The following MYOM2 variants were observed in gnomAD, a reference collection of about 807,000 sequenced individuals.
MYOM2 encodes myomesin-2.
In MYOM2, 254 loss-of-function variants were observed where a neutral mutation model predicts 187.6. That is an observed-to-expected ratio of 1.35 (90% CI 1.22 to 1.50). The LOEUF is 1.50. Among genes scored for constraint, MYOM2 ranks in the 40% most tolerant of loss-of-function variants. The pLI, the probability that MYOM2 is intolerant of heterozygous loss-of-function variation, is 0.00. For synonymous variants in MYOM2, 981 were observed against 753.8 expected (o/e 1.30, Z -4.94); for missense variants, 2,796 against 1,924.0 (o/e 1.45, Z -8.48).
intron 21 of MYOM2, among the ~76,000 whole-genome samples, chr8:2,105,039 A>C (rs1330294255): frequency 6.6e-6 from 1 of 152,126 alleles, no homozygotes; most frequent in African/African-American, 2.4e-5. Flanking sequence ...CGGCCTCCCA[A>C]AGTGCTGGGA....
At chr8:2,085,118 G>A (rs568151977) in intron 13 of MYOM2, 145 bp from the exon 14 acceptor site, 4 of 901,472 alleles carry the variant, frequency 4.4e-6, no homozygotes, top group Non-Finnish European at 6.6e-6. Context: ...TTCCAAGGAA[G>A]CATCTTTGGG....
chr8:2,078,671 A>G lies in MYOM2; in HGVS notation c.1263-63A>G, dbSNP rs1049664454. On this transcript the variant is annotated intron_variant, in intron 11 of 36. Transcript: ENST00000262113. ...AGTGTGTGCATATATGCATATACCT[A>G]TGTATATTTAGTAGGTTGCCACATT... The G allele has an allele frequency of 6.9e-6, 10 of 1,450,830 alleles. No homozygotes were observed. In the Admixed American group the frequency reaches 1.0e-4, roughly 15 times the overall value. 89.9% of individuals were successfully genotyped at this position (1,450,830 alleles called of 1,614,324 possible).
intron 27 of MYOM2, 50 bp from the exon 28 acceptor site, chr8:2,117,835 T>G: frequency 7.6e-7 from 1 of 1,322,488 alleles, no homozygotes; most frequent in Non-Finnish European, 1.1e-6. Flanking sequence ...TATATTTATT[T>G]GTTTACTTTT....
At chr8:2,065,954 G>T (rs1819005559) in intron 6 of MYOM2, among the ~76,000 whole-genome samples, 1 of 152,196 alleles carries the variant, frequency 6.6e-6, no homozygotes, top group Non-Finnish European at 1.5e-5. Context: ...AGAGCCGTGG[G>T]GCGCAGTGTG....
chr8:2,129,216 G>C lies in MYOM2; in HGVS notation c.3784G>C (p.Val1262Leu). Residue 1262 changes from valine to leucine, a missense_variant, in exon 32 of 37, where the codon GTG becomes CTG. Coordinates refer to ENST00000262113, the MANE Select transcript of MYOM2 (RefSeq NM_003970.4). Reference protein sequence around the residue: ...FMKYFTDEMKVNWCHKDAKIS... With the variant: ...FMKYFTDEMKLNWCHKDAKIS... ...GAAGTATTTTACAGACGAAATGAAAGTGAACTGGTGTCACAAGTAAGTATG... is the reference window on the plus strand; with the variant it reads ...GAAGTATTTTACAGACGAAATGAAACTGAACTGGTGTCACAAGTAAGTATG... The C allele has an allele frequency of 6.2e-7, 1 of 1,609,586 alleles. No homozygotes were observed. The highest frequency in any genetic ancestry group is 8.5e-7 in the Non-Finnish European group (1 of 1,176,090).
chr8:2,143,079 A>T (rs1464587120), intron 35 of MYOM2, among the ~76,000 whole-genome samples: 2 of 151,708 alleles, frequency 1.3e-5, no homozygotes, highest in Non-Finnish European at 2.9e-5. Flanking sequence ...TTTCTGCCCA[A>T]CTCAGGGACA....
Position 2,126,131 on chromosome 8 carries a change from G to A in MYOM2, c.3694+1914G>A, listed in dbSNP as rs1365420586. On this transcript the variant is annotated intron_variant, in intron 31 of 36. Transcript: ENST00000262113. ...AAGAGTGAGTGTTTATAAGGAAAAT[G>A]CAAAAAGCAGAGTCCTCACTGTGTG... Among the ~76,000 whole-genome samples, 5 of 152,140 alleles carry A rather than the reference G, an allele frequency of 3.3e-5. No individual in the cohort carries two copies. The East Asian group carries it at 9.6e-4, about 29-fold the overall frequency.
rs180785786 is a variant in MYOM2 at position 2,115,346 on chromosome 8, C to T, written c.3181-614C>T. Among the ~76,000 whole-genome samples the T allele has an allele frequency of 5.9e-5, 9 of 152,322 alleles. No individual in the cohort carries two copies. In the East Asian group the frequency reaches 1.7e-3, roughly 29 times the overall value. ...TGTTAGAGAAACACTTGTTCTTTGA[C>T]TTGTAGGATTACCTAAATAGAACAC... On this transcript the variant is annotated intron_variant, in intron 25 of 36. Coordinates refer to ENST00000262113, the MANE Select transcript of MYOM2 (RefSeq NM_003970.4).
rs1408853064 is a variant in MYOM2, at chr8:2,101,054, G to A, written c.2619G>A (p.Lys873=). ...NQTTTASRYL[K]VSDLQQGKTY... ...CGACAACAGCCAGCCGTTATTTAAA[G>A]GTAAGTCTTGGCCGGCTGTGGTGGC... is the stretch of plus-strand genomic sequence containing the variant. The change falls in exon 20 of 37, where the codon AAG becomes AAA. Residue 873 remains lysine, a splice_region_variant and synonymous_variant. Coordinates refer to ENST00000262113, the MANE Select transcript of MYOM2 (RefSeq NM_003970.4). The A allele has an allele frequency of 1.2e-6, 2 of 1,613,954 alleles. No individual in the cohort carries two copies. The highest frequency in any genetic ancestry group is 3.3e-5 in the Admixed American group (2 of 60,002).
At chr8:2,079,714 G>A (rs1819557738) in intron 13 of MYOM2, 101 bp downstream of exon 13, 1 of 1,245,756 alleles carries the variant, frequency 8.0e-7, no homozygotes, top group Non-Finnish European at 1.2e-6. Context: ...ACTGGGCACG[G>A]CCTCTGCATG....
At chr8:2,094,344 C>G (rs1434813738) in intron 17 of MYOM2, among the ~76,000 whole-genome samples, 1 of 128,146 alleles carries the variant, frequency 7.8e-6, no homozygotes, top group African/African-American at 3.4e-5. Flanking sequence ...TTGCCAAATA[C>G]CTGTACTCAT....
At chr8:2,142,454 T>G (rs1028738258) in intron 35 of MYOM2, 57 bp downstream of exon 35, 4 of 1,585,320 alleles carry the variant, frequency 2.5e-6, no homozygotes, top group Non-Finnish European at 3.5e-6. Flanking sequence ...GGGGCAAAAG[T>G]GTCCATATTT....
chr8:2,068,466 G>A (rs189291458), intron 6 of MYOM2, among the ~76,000 whole-genome samples: 2 of 149,170 alleles, frequency 1.3e-5, no homozygotes, highest in East Asian at 4.0e-4. Flanking sequence ...ACCAGGCGGA[G>A]AGCATCCCGT....
intron 10 of MYOM2, among the ~76,000 whole-genome samples, chr8:2,074,149 G>GAT (rs1408756387): frequency 9.2e-5 from 14 of 152,246 alleles, no homozygotes; most frequent in Non-Finnish European, 1.6e-4. Context: ...GTGATATACA[G>GAT]ATATATATAT....
At chr8:2,069,912 GGA>G (rs1367015963) in intron 8 of MYOM2, among the ~76,000 whole-genome samples, 1 of 152,208 alleles carries the variant, frequency 6.6e-6, no homozygotes, top group East Asian at 1.9e-4. Context: ...TCGTGTTTAA[GGA>G]GATGTTTTTT....
chr8:2,138,109 G>C (rs907596761), intron 32 of MYOM2, among the ~76,000 whole-genome samples: 1 of 152,196 alleles, frequency 6.6e-6, no homozygotes, highest in African/African-American at 2.4e-5. Flanking sequence ...TAGTAATAGC[G>C]ACCTGCTGTG....
chr8:2,084,719 A>G (rs1321403171), intron 13 of MYOM2, among the ~76,000 whole-genome samples: 1 of 152,242 alleles, frequency 6.6e-6, no homozygotes, highest in Non-Finnish European at 1.5e-5. Flanking sequence ...ACATGCAGAC[A>G]TAGAATACAG....
At chr8:2,106,119 G>A (rs1563059383) in intron 21 of MYOM2, 123 bp from the exon 22 acceptor site, 8 of 972,110 alleles carry the variant, frequency 8.2e-6, no homozygotes, top group Non-Finnish European at 1.2e-5. Context: ...CTACACTTGG[G>A]GATTACAATT....
At chr8:2,108,041 C>T (rs1796951136) in intron 23 of MYOM2, among the ~76,000 whole-genome samples, 1 of 152,156 alleles carries the variant, frequency 6.6e-6, no homozygotes, top group Non-Finnish European at 1.5e-5. Flanking sequence ...CCTGTGAAAC[C>T]AGTTGCCAAT....
Sources: allele counts gnomAD v4.1 joint callset (sites outside exome capture counted in the v4.1 genomes callset), GRCh38; gene constraint gnomAD v4.1.1; transcripts MANE v1.5; gene names NCBI Gene and HGNC (gene_info 2026-07-23, HGNC 2026-07-21).